MBNL2: variants seen among roughly 807,000 people sequenced by gnomAD.
The protein encoded by MBNL2 is muscleblind-like protein 2.
A neutral mutation model predicts 41.9 loss-of-function variants in MBNL2; 17 were observed. That is an observed-to-expected ratio of 0.41 (90% CI 0.28 to 0.61). The LOEUF (loss-of-function observed/expected upper bound fraction) is 0.61. Among genes scored for constraint, MBNL2 ranks in the 20% least tolerant of loss-of-function variants. The pLI is 0.35. For missense variants in MBNL2, 336 were observed against 505.6 expected (o/e 0.66, Z 3.22); for synonymous variants, 195 against 182.9 (o/e 1.07, Z -0.53).
chr13:97,227,835 T>G (rs1361127141), intron 1 of MBNL2, among the ~76,000 whole-genome samples: 2 of 152,182 alleles, frequency 1.3e-5, no homozygotes, highest in Admixed American at 1.3e-4. Flanking sequence ...GACAGGTTGA[T>G]TTGCTTTGCT....
chr13:97,184,519 A>T, the MBNL2 span, among the ~76,000 whole-genome samples: 29 of 152,042 alleles, frequency 1.9e-4, no homozygotes, highest in Admixed American at 1.5e-3. Context: ...ACTACCAAGC[A>T]TCAGTGACTA....
intron 1 of MBNL2, among the ~76,000 whole-genome samples, chr13:97,233,159 ATATATATATATATATATC>A (rs1403148991): frequency 9.9e-6 from 1 of 101,066 alleles, no homozygotes; most frequent in African/African-American, 3.9e-5. Flanking sequence ...ATATATATAT[ATATATATATATATATATC>A]TTTTTATTAT....
chr13:97,370,237 G>A (rs1034748434), intron 8 of MBNL2, among the ~76,000 whole-genome samples: 2 of 152,140 alleles, frequency 1.3e-5, no homozygotes, highest in Admixed American at 1.3e-4. Context: ...GTTGAAACTT[G>A]GCTCCAGAAG....
the MBNL2 span, among the ~76,000 whole-genome samples, chr13:97,175,965 G>C: frequency 6.6e-6 from 1 of 152,124 alleles, no homozygotes; most frequent in East Asian, 1.9e-4. Context: ...TGCCCCCCAG[G>C]ATTTTGGCTC....
the MBNL2 span, among the ~76,000 whole-genome samples, chr13:97,145,041 T>C: frequency 2.0e-5 from 3 of 152,204 alleles, no homozygotes. Flanking sequence ...CAATAAAATA[T>C]GTGGGAAGTG....
chr13:97,166,710 T>TGA, the MBNL2 span, among the ~76,000 whole-genome samples: 1 of 152,062 alleles, frequency 6.6e-6, no homozygotes, highest in Non-Finnish European at 1.5e-5. Context: ...TGGCTCTCCT[T>TGA]GCTCCTCAGC....
chr13:97,298,060 C>T (rs753251250), intron 2 of MBNL2, among the ~76,000 whole-genome samples: 7 of 152,062 alleles, frequency 4.6e-5, no homozygotes, highest in African/African-American at 7.2e-5. Flanking sequence ...TGAACTTTCT[C>T]GGACCTCTTC....
chr13:97,217,798 T>C (rs1486500419), upstream of MBNL2, among the ~76,000 whole-genome samples: 1 of 151,700 alleles, frequency 6.6e-6, no homozygotes, highest in Non-Finnish European at 1.5e-5. Flanking sequence ...GTGTGGTAAA[T>C]GGAGTGAAAG....
the MBNL2 span, among the ~76,000 whole-genome samples, chr13:97,160,317 G>A: frequency 6.6e-6 from 1 of 152,202 alleles, no homozygotes; most frequent in East Asian, 1.9e-4. Context: ...TCTGCAAAAG[G>A]CAAGAAGAAG....
chr13:97,314,269 C>A (rs1418178346), intron 2 of MBNL2, among the ~76,000 whole-genome samples: 2 of 152,204 alleles, frequency 1.3e-5, no homozygotes, highest in Non-Finnish European at 2.9e-5. Context: ...CTGCCTGCCC[C>A]CTTAACACCT....
chr13:97,170,655 G>A, the MBNL2 span, among the ~76,000 whole-genome samples: 1 of 152,086 alleles, frequency 6.6e-6, no homozygotes, highest in East Asian at 1.9e-4. Flanking sequence ...GAAGCCACTG[G>A]TTGGTGGATC....
At chr13:97,254,634 C>T (rs960794897) in intron 1 of MBNL2, among the ~76,000 whole-genome samples, 6 of 152,100 alleles carry the variant, frequency 3.9e-5, no homozygotes, top group South Asian at 2.1e-4. Context: ...CTGTTCCCCC[C>T]GCCTCTCTTT....
intron 7 of MBNL2, among the ~76,000 whole-genome samples, chr13:97,360,169 G>A (rs575340793): frequency 5.9e-5 from 9 of 152,206 alleles, no homozygotes; most frequent in South Asian, 4.1e-4. Flanking sequence ...AATGTTTTAC[G>A]TAAACATAAA....
upstream of MBNL2, among the ~76,000 whole-genome samples, chr13:97,218,184 T>C (rs1181453016): frequency 6.6e-6 from 1 of 151,050 alleles, no homozygotes; most frequent in Non-Finnish European, 1.5e-5. Flanking sequence ...GCTGAGGAGG[T>C]CGGATCATGA....
At chr13:97,320,669 T>G (rs2059425346) in intron 2 of MBNL2, among the ~76,000 whole-genome samples, 1 of 151,978 alleles carries the variant, frequency 6.6e-6, no homozygotes, top group Admixed American at 6.5e-5. Context: ...ATCCCAGCAC[T>G]TTGGGAGGCC....
chr13:97,307,461 T>C (rs2058227307), intron 2 of MBNL2, among the ~76,000 whole-genome samples: 1 of 151,852 alleles, frequency 6.6e-6, no homozygotes, highest in Non-Finnish European at 1.5e-5. Flanking sequence ...TTTCCAGAAA[T>C]GTATGAATGA....
chr13:97,372,031 A>G (rs2064433371), intron 8 of MBNL2, among the ~76,000 whole-genome samples: 1 of 152,226 alleles, frequency 6.6e-6, no homozygotes, highest in Non-Finnish European at 1.5e-5. Context: ...TAAAGGAAAG[A>G]GTCCCCTCAG....
the MBNL2 span, among the ~76,000 whole-genome samples, chr13:97,174,716 T>A: frequency 6.6e-6 from 1 of 152,146 alleles, no homozygotes; most frequent in Non-Finnish European, 1.5e-5. Context: ...TCTGCACACT[T>A]CAATGCCAAT....
At chr13:97,374,062 C>CTTTTTTTT (rs1594284568) in intron 8 of MBNL2, among the ~76,000 whole-genome samples, 16 of 53,388 alleles carry the variant, frequency 3.0e-4, no homozygotes, top group African/African-American at 3.7e-4. Flanking sequence ...TCCTCCTTTG[C>CTTTTTTTT]ATTTTTTTTT....
Sources: allele counts gnomAD v4.1 joint callset (sites outside exome capture counted in the v4.1 genomes callset), GRCh38; gene constraint gnomAD v4.1.1; transcripts MANE v1.5; gene names NCBI Gene and HGNC (gene_info 2026-07-23, HGNC 2026-07-21).